PLEKHM3: variants seen among roughly 807,000 people sequenced by gnomAD.
The protein encoded by PLEKHM3 is pleckstrin homology domain-containing family M member 3.
A neutral mutation model predicts 81.8 loss-of-function variants in PLEKHM3; 45 were observed. That is an observed-to-expected ratio of 0.55 (90% CI 0.43 to 0.71). PLEKHM3 has a LOEUF of 0.71. PLEKHM3 is among the 30% of genes least tolerant of loss of function. The pLI, the probability that PLEKHM3 is intolerant of heterozygous loss-of-function variation, is 0.00. For synonymous variants in PLEKHM3, 352 were observed against 356.4 expected (o/e 0.99, Z 0.14); for missense variants, 788 against 924.3 (o/e 0.85, Z 1.91).
At chr2:207,929,700 A>G (rs1218582637) in intron 5 of PLEKHM3, among the ~76,000 whole-genome samples, 1 of 152,204 alleles carries the variant, frequency 6.6e-6, no homozygotes, top group Non-Finnish European at 1.5e-5. Context: ...ACTACCACTG[A>G]GAAGTATTTT....
chr2:207,970,284 A>ACTCG (rs1553562156), intron 3 of PLEKHM3, among the ~76,000 whole-genome samples: 1 of 149,900 alleles, frequency 6.7e-6, no homozygotes, highest in Non-Finnish European at 1.5e-5. Context: ...CAAAAATGAA[A>ACTCG]CTCTCTCTCT....
intron 2 of PLEKHM3, among the ~76,000 whole-genome samples, chr2:207,986,140 A>G (rs1473992411): frequency 6.6e-6 from 1 of 152,238 alleles, no homozygotes; most frequent in Non-Finnish European, 1.5e-5. Context: ...TTGGAATGAA[A>G]GACAAAGTGC....
intron 5 of PLEKHM3, among the ~76,000 whole-genome samples, chr2:207,922,675 G>A (rs1192020911): frequency 6.6e-6 from 1 of 152,188 alleles, no homozygotes; most frequent in Non-Finnish European, 1.5e-5. Context: ...AGCTGGGCGT[G>A]GTGGCGGGCG....
intron 1 of PLEKHM3, among the ~76,000 whole-genome samples, chr2:208,008,230 C>T (rs1692563175): frequency 6.6e-6 from 1 of 151,216 alleles, no homozygotes. Context: ...AGAGTGAGAC[C>T]CTGTCTCAAA....
At chr2:207,858,461 T>C (rs2092448687) in intron 7 of PLEKHM3, among the ~76,000 whole-genome samples, 1 of 151,900 alleles carries the variant, frequency 6.6e-6, no homozygotes, top group African/African-American at 2.4e-5. Context: ...GTTAGAAGCA[T>C]TTAGAAATTC....
At chr2:207,830,487 C>T (rs925917744) in intron 7 of PLEKHM3, among the ~76,000 whole-genome samples, 6 of 151,834 alleles carry the variant, frequency 4.0e-5, no homozygotes, top group Non-Finnish European at 7.4e-5. Context: ...GTGACGCATG[C>T]CTGTAATCCC....
At chr2:207,920,967 A>C (rs1689162001) in intron 5 of PLEKHM3, among the ~76,000 whole-genome samples, 1 of 151,870 alleles carries the variant, frequency 6.6e-6, no homozygotes, top group Admixed American at 6.6e-5. Context: ...ACTGTCTGCC[A>C]CCTCCCTGCC....
At chr2:208,011,660 G>C (rs953467142) in intron 1 of PLEKHM3, among the ~76,000 whole-genome samples, 3 of 151,688 alleles carry the variant, frequency 2.0e-5, no homozygotes, top group African/African-American at 7.3e-5. Context: ...CGGGTTCAGT[G>C]TATACTGCCT....
intron 6 of PLEKHM3, among the ~76,000 whole-genome samples, chr2:207,872,828 A>G (rs2092541860): frequency 7.4e-6 from 1 of 135,888 alleles, no homozygotes; most frequent in Admixed American, 7.0e-5. Context: ...CTCCGTCTCA[A>G]ACAAACAAAC....
At chr2:207,960,874 T>C (rs1690705683) in intron 3 of PLEKHM3, among the ~76,000 whole-genome samples, 1 of 152,232 alleles carries the variant, frequency 6.6e-6, no homozygotes. Flanking sequence ...CTTCTCTTTA[T>C]CTAAGAGATC....
At chr2:207,877,067 C>T (rs754417556) in intron 6 of PLEKHM3, among the ~76,000 whole-genome samples, 3 of 152,024 alleles carry the variant, frequency 2.0e-5, no homozygotes, top group East Asian at 1.9e-4. Context: ...ATGTACTGAC[C>T]GACCTGCCTT....
intron 6 of PLEKHM3, among the ~76,000 whole-genome samples, chr2:207,891,469 G>A (rs1574376946): frequency 6.6e-6 from 1 of 152,300 alleles, no homozygotes; most frequent in Admixed American, 6.5e-5. Context: ...AGCAGGTAAG[G>A]GGTGCCGGCA....
At chr2:207,855,177 A>G (rs567833209) in intron 7 of PLEKHM3, among the ~76,000 whole-genome samples, 24 of 152,098 alleles carry the variant, frequency 1.6e-4, no homozygotes, top group Non-Finnish European at 2.5e-4. Context: ...ATCCTGGTGC[A>G]TCTGGTAGTG....
chr2:207,839,231 A>G (rs761580169), intron 7 of PLEKHM3, among the ~76,000 whole-genome samples: 29 of 152,144 alleles, frequency 1.9e-4, no homozygotes, highest in Non-Finnish European at 3.7e-4. Flanking sequence ...AACCAAAATG[A>G]AAAAAAGGTC....
intron 6 of PLEKHM3, among the ~76,000 whole-genome samples, chr2:207,907,481 G>A (rs780784868): frequency 3.3e-5 from 5 of 151,792 alleles, no homozygotes; most frequent in Non-Finnish European, 5.9e-5. Flanking sequence ...CAGCCTGGGC[G>A]ACAGAGCAAG....
chr2:208,009,318 T>C (rs564847041), intron 1 of PLEKHM3, among the ~76,000 whole-genome samples: 2 of 152,284 alleles, frequency 1.3e-5, no homozygotes, highest in African/African-American at 4.8e-5. Context: ...ATTCTATTCT[T>C]CAAGGCCCAG....
intron 3 of PLEKHM3, among the ~76,000 whole-genome samples, chr2:207,952,616 G>T (rs1170261280): frequency 6.6e-6 from 1 of 152,182 alleles, no homozygotes; most frequent in Non-Finnish European, 1.5e-5. Context: ...TTAGCACAAA[G>T]TTGGGCACAG....
At chr2:207,938,281 G>C (rs1036599512) in intron 4 of PLEKHM3, among the ~76,000 whole-genome samples, 4 of 152,152 alleles carry the variant, frequency 2.6e-5, no homozygotes, top group Non-Finnish European at 4.4e-5. Flanking sequence ...ATAGGGTTTA[G>C]CGCTTCCTAA....
chr2:207,963,430 A>G (rs1025842760), intron 3 of PLEKHM3, among the ~76,000 whole-genome samples: 1 of 152,188 alleles, frequency 6.6e-6, no homozygotes, highest in East Asian at 1.9e-4. Context: ...AATTGTAAAG[A>G]GAAGACTATC....
Sources: allele counts gnomAD v4.1 joint callset (sites outside exome capture counted in the v4.1 genomes callset), GRCh38; gene constraint gnomAD v4.1.1; transcripts MANE v1.5; gene names NCBI Gene and HGNC (gene_info 2026-07-23, HGNC 2026-07-21).